Variants in SLC2A2 observed in about 807,000 individuals in gnomAD.
SLC2A2 encodes the protein solute carrier family 2, facilitated glucose transporter member 2.
A neutral mutation model predicts 54.5 loss-of-function variants in SLC2A2; 36 were observed. That is an observed-to-expected ratio of 0.66 (90% CI 0.51 to 0.87). The LOEUF (loss-of-function observed/expected upper bound fraction) is 0.87, where lower values mean the gene tolerates loss of function less well. Ranked by LOEUF, SLC2A2 falls within the 40% of genes least tolerant of loss-of-function variation. The pLI is 0.00. For missense variants in SLC2A2, 543 were observed against 624.3 expected, an observed-to-expected ratio of 0.87 and a Z score of 1.39; for synonymous variants, 223 against 219.1, an observed-to-expected ratio of 1.02 and a Z score of -0.16.
Position 170,997,660 on chromosome 3 carries a change from C to G in SLC2A2, c.*243G>C. ...GAGCTAAAAATATTAGAACCACCTG[C>G]CCTTTAGTGTAACAAAATAAACTAG... On this transcript the variant is annotated 3_prime_UTR_variant, in exon 11 of 11. Coordinates refer to ENST00000314251, the MANE Select transcript of SLC2A2 (RefSeq NM_000340.2). 4.0e-6 allele frequency: 2 copies of G among 494,110 alleles called. No homozygotes were observed. The highest frequency in any genetic ancestry group is 5.4e-4 in the Middle Eastern group (1 of 1,850). The allele number at this position is 494,110 out of a possible 1,614,324, so 30.6% of individuals were successfully genotyped here.
intron 1 of SLC2A2, among the ~76,000 whole-genome samples, chr3:171,021,517 C>A (rs1716465620): frequency 6.6e-6 from 1 of 152,174 alleles, no homozygotes. Flanking sequence ...CCAAGCATGG[C>A]AGCTCATGCC....
At chr3:171,013,563 A>C (rs1235848622) in intron 3 of SLC2A2, among the ~76,000 whole-genome samples, 1 of 152,150 alleles carries the variant, frequency 6.6e-6, no homozygotes, top group Non-Finnish European at 1.5e-5. Context: ...GAGAGCTAAA[A>C]ATTATAATTT....
At chr3:171,007,383 T>C (rs1415170812) in intron 4 of SLC2A2, 120 bp from the exon 5 acceptor site, 2 of 703,442 alleles carry the variant, frequency 2.8e-6, no homozygotes, top group African/African-American at 3.5e-5. Context: ...ACTGGAAGGA[T>C]GAACCCTTGT....
Position 171,009,920 on chromosome 3 carries a change from T to G in SLC2A2, c.496+38A>C, listed in dbSNP as rs759089193. On this transcript the variant is annotated intron_variant, in intron 4 of 10. Coordinates refer to ENST00000314251, the MANE Select transcript of SLC2A2 (RefSeq NM_000340.2). The stretch of plus-strand genomic sequence containing the variant: ...ACTTTCAGACAAAGGTAGGTGTGTG[T>G]GTGTGTGTGTGTGTGTGTGTGTGTG... 139 of 1,375,950 alleles carry G rather than the reference T, an allele frequency of 1.0e-4. No homozygotes were observed. In the South Asian group the frequency reaches 1.6e-3, roughly 15 times the overall value. The allele number at this position is 1,375,950 out of a possible 1,614,324, so 85.2% of individuals were successfully genotyped here. A position where few individuals can be genotyped will look rare whatever the true frequency, so the allele number is the denominator to read the frequency against.
At chr3:171,017,478 A>G (rs987217766) in intron 2 of SLC2A2, among the ~76,000 whole-genome samples, 9 of 152,310 alleles carry the variant, frequency 5.9e-5, no homozygotes, top group African/African-American at 2.2e-4. Flanking sequence ...ACCCTGCAGT[A>G]TCTTTCATTT....
At position 171,006,099 on chromosome 3, in the gene SLC2A2, C is replaced by T. The variant is rs1186359171; in HGVS notation, c.619G>A (p.Gly207Ser). ...VTGILISQII[G>S]LEFILGNYDL... The stretch of plus-strand genomic sequence containing the variant: ...TAATTGCCCAAGATAAATTCAAGAC[C>T]AATAATCTGAAAATGCAAGGAGGAA... The change falls in exon 6 of 11, where the codon GGT (glycine) becomes AGT (serine). Residue 207 changes from glycine (G) to serine (S), a missense_variant. Coordinates refer to ENST00000314251, the MANE Select transcript of SLC2A2 (RefSeq NM_000340.2). 2 of 1,611,658 alleles carry T rather than the reference C, an allele frequency of 1.2e-6. No homozygotes were observed. The highest frequency in any genetic ancestry group is 1.7e-6 in the Non-Finnish European group (2 of 1,178,534).
intron 1 of SLC2A2, among the ~76,000 whole-genome samples, chr3:171,019,119 AT>A (rs1716322133): frequency 1.8e-4 from 1 of 5,502 alleles, no homozygotes; most frequent in Non-Finnish European, 3.2e-4. Flanking sequence ...ATATATATAT[AT>A]ATACGTATGT....
In SLC2A2 at chr3:171,007,192, T is replaced by G; in HGVS notation, c.568A>C (p.Thr190Pro). The G allele has an allele frequency of 6.2e-7, 1 of 1,612,754 alleles. No individual in the cohort carries two copies. ...GTGACGATGGCCAGCTGATGAAAAG[T>G]GCCAAGTGCTCCCCTGAGAGCGGTT... ...APTALRGALG[T>P]FHQLAIVTGI... is the part of the protein sequence containing the mutation. The change falls in exon 5 of 11, where the codon ACT (threonine) becomes CCT (proline). Residue 190 changes from threonine (T) to proline (P), a missense_variant. Around this residue, in one of 3 missense-constraint regions of SLC2A2, gnomAD observed 318 missense variants for 343.8 expected, o/e 0.93. Transcript: ENST00000314251.
chr3:171,003,887 A>G (rs1210990447), intron 7 of SLC2A2, among the ~76,000 whole-genome samples: 1 of 152,090 alleles, frequency 6.6e-6, no homozygotes, highest in Non-Finnish European at 1.5e-5. Flanking sequence ...ACCAGCATGT[A>G]TAAGAGGTCT....
chr3:171,011,473 C>G (rs1340061245), intron 3 of SLC2A2, among the ~76,000 whole-genome samples: 3 of 152,152 alleles, frequency 2.0e-5, no homozygotes, highest in African/African-American at 7.2e-5. Context: ...ATGCATTCTT[C>G]CCTCAAAGCC....
At chr3:171,022,817 C>T (rs1450596383) in intron 1 of SLC2A2, among the ~76,000 whole-genome samples, 2 of 152,186 alleles carry the variant, frequency 1.3e-5, no homozygotes, top group African/African-American at 4.8e-5. Flanking sequence ...GCGATAGCTG[C>T]AGCACATGTA....
chr3:170,999,238 T>C lies in SLC2A2; in HGVS notation c.1069-72A>G. 5 of 1,012,246 alleles carry C rather than the reference T, an allele frequency of 4.9e-6. No homozygotes were observed. The Middle Eastern group carries it at 1.0e-3, about 208-fold the overall frequency. 62.7% of individuals were successfully genotyped at this position (1,012,246 alleles called of 1,614,324 possible). A position where few individuals can be genotyped will look rare whatever the true frequency, so the allele number is the denominator to read the frequency against. ...TATTGACTGTTTACTTAAATCATTT[T>C]TACTGCCAAAGAGGTCATTTTAATT... On this transcript the variant is annotated intron_variant, in intron 8 of 10. Transcript: ENST00000314251.
intron 2 of SLC2A2, among the ~76,000 whole-genome samples, chr3:171,016,865 T>G (rs1241429879): frequency 9.9e-5 from 15 of 151,452 alleles, no homozygotes; most frequent in Non-Finnish European, 2.2e-4. Flanking sequence ...TTTTTTTTTT[T>G]TTTTTGAGAT....
chr3:171,014,854 A>C lies in SLC2A2; in HGVS notation c.109-123T>G, dbSNP rs577966990. ...TCAATTATGTGTTTTATATACATAT[A>C]AACATGGATAGATTTGTTTACAGTT... On this transcript the variant is annotated intron_variant, in intron 2 of 10. Transcript: ENST00000314251. 1.6e-4 allele frequency: 122 copies of C among 755,796 alleles called. 1 individual carries two copies. Among genetic ancestry groups the C allele is most frequent in the Middle Eastern group, 1.1e-3 (3 of 2,818 alleles). 46.8% of individuals were successfully genotyped at this position (755,796 alleles called of 1,614,324 possible). A position where few individuals can be genotyped will look rare whatever the true frequency, so the allele number is the denominator to read the frequency against.
intron 8 of SLC2A2, among the ~76,000 whole-genome samples, chr3:171,002,158 T>TA (rs566113469): frequency 7.9e-5 from 12 of 151,680 alleles, no homozygotes; most frequent in East Asian, 1.9e-4. Flanking sequence ...AGGCACATGG[T>TA]AAAAAAAAGA....
At chr3:171,001,711 G>T (rs1715340831) in intron 8 of SLC2A2, among the ~76,000 whole-genome samples, 1 of 151,688 alleles carries the variant, frequency 6.6e-6, no homozygotes, top group South Asian at 2.1e-4. Flanking sequence ...ACATTAGTTG[G>T]GGAGTTTTTG....
chr3:171,014,336 T>C (rs1291968107), intron 3 of SLC2A2, 133 bp downstream of exon 3: 1 of 908,898 alleles, frequency 1.1e-6, no homozygotes, highest in Non-Finnish European at 1.7e-6. Flanking sequence ...CTGATATGCC[T>C]CATAGGGTCA....
In SLC2A2 at chr3:171,007,094, T is replaced by C. The variant is rs8192675; in HGVS notation, c.612+54A>G. ...GGGGATGCAATAGTAGTAGTGGTAC[T>C]GTAGAGGATGAAGTAGATGGGTGCA... On this transcript the variant is annotated intron_variant, in intron 5 of 10. Coordinates refer to ENST00000314251, the MANE Select transcript of SLC2A2 (RefSeq NM_000340.2). The C allele has an allele frequency of 0.32, 302,338 of 954,848 alleles. 53,782 individuals carry two copies. Among genetic ancestry groups the C allele is most frequent in the African/African-American group, 0.71 (44,153 of 61,766 alleles). 59.1% of individuals were successfully genotyped at this position (954,848 alleles called of 1,614,324 possible).
chr3:171,025,846 T>A (rs1309199180), intron 1 of SLC2A2, among the ~76,000 whole-genome samples: 1 of 152,172 alleles, frequency 6.6e-6, no homozygotes, highest in Non-Finnish European at 1.5e-5. Context: ...TTTATATTTT[T>A]AAGTTTTTTT....
Sources: gnomAD v4.1 joint callset for allele counts (sites outside exome capture counted in the v4.1 genomes callset) on GRCh38, gnomAD v4.1.1 for gene constraint, gnomAD v4.1.1 regional missense constraint, MANE v1.5 for transcripts, NCBI Gene and HGNC (gene_info 2026-07-23, HGNC 2026-07-21) for gene names.